POLD3: variants seen among roughly 807,000 people sequenced by gnomAD.
POLD3 encodes the protein DNA polymerase delta 3, accessory subunit, also known as DNA polymerase delta subunit 3.
Under a neutral mutation model 58.2 loss-of-function variants are expected in POLD3, and 19 were observed. The ratio of observed to expected loss-of-function variants is 0.33; its 90% CI spans 0.23 to 0.48. POLD3 has a LOEUF of 0.48. POLD3 is among the 20% of genes least tolerant of loss of function. The pLI, the probability that POLD3 is intolerant of heterozygous loss-of-function variation, is 0.99. For synonymous variants in POLD3, 172 were observed against 193.5 expected (o/e 0.89, Z 0.92); for missense variants, 504 against 545.5 (o/e 0.92, Z 0.76).
chr11:74,592,817 GGGGACCA>G (rs2031081540), intron 1 of POLD3, 99 bp downstream of exon 1: 2 of 1,552,620 alleles, frequency 1.3e-6, no homozygotes, highest in Admixed American at 3.9e-5. Context: ...GTGGCTTCGT[GGGGACCA>G]GGGGAGACAG....
At chr11:74,618,954 A>T in intron 6 of POLD3, 150 bp downstream of exon 6, 1 of 657,684 alleles carries the variant, frequency 1.5e-6, no homozygotes, top group East Asian at 2.9e-5. Flanking sequence ...TTAATACTTG[A>T]TATTGTTATC....
At chr11:74,620,226 C>G in intron 7 of POLD3, 137 bp downstream of exon 7, 1 of 677,066 alleles carries the variant, frequency 1.5e-6, no homozygotes, top group Non-Finnish European at 2.7e-6. Flanking sequence ...TTCCAGTGTA[C>G]TGCCCAATAT....
In POLD3 at chr11:74,604,843, A is replaced by G. The variant is rs780232629; in HGVS notation, c.219+49A>G. ...GAGCTTAAATGTGTTTGTGTTATGA[A>G]GAGTGTTATAACATAGTTCAGGGGA... On this transcript the variant is annotated intron_variant, in intron 3 of 11. Transcript: ENST00000263681. The G allele has an allele frequency of 9.0e-6, 9 of 1,003,134 alleles. No individual in the cohort carries two copies. In the South Asian group the frequency reaches 1.0e-4, roughly 11 times the overall value. 62.1% of individuals were successfully genotyped at this position (1,003,134 alleles called of 1,614,324 possible).
chr11:74,617,514 G>T (rs2032115583), intron 5 of POLD3, among the ~76,000 whole-genome samples: 1 of 152,042 alleles, frequency 6.6e-6, no homozygotes, highest in African/African-American at 2.4e-5. Context: ...CAATTCTCTT[G>T]CCTCAGCCTC....
intron 3 of POLD3, among the ~76,000 whole-genome samples, chr11:74,607,340 G>A (rs2031722713): frequency 6.7e-6 from 1 of 150,372 alleles, no homozygotes. Context: ...TCAGCTCACT[G>A]CAAGCTCTGC....
intron 9 of POLD3, among the ~76,000 whole-genome samples, chr11:74,633,396 T>A (rs1253478680): frequency 6.6e-6 from 1 of 152,214 alleles, no homozygotes; most frequent in African/African-American, 2.4e-5. Flanking sequence ...CATTTTATAC[T>A]TAAAGTGTGT....
chr11:74,613,048 A>AT, intron 5 of POLD3, 38 bp downstream of exon 5: 1 of 1,583,276 alleles, frequency 6.3e-7, no homozygotes, highest in South Asian at 1.2e-5. Context: ...TTCTTTACGA[A>AT]TTGATTTTGT....
intron 4 of POLD3, among the ~76,000 whole-genome samples, chr11:74,654,727 A>G (rs1412764864): frequency 6.6e-6 from 1 of 152,210 alleles, no homozygotes; most frequent in East Asian, 1.9e-4. Flanking sequence ...ACAAATCACG[A>G]AAACCTGCAG....
At chr11:74,635,575 G>C (rs2032724952) in intron 10 of POLD3, among the ~76,000 whole-genome samples, 1 of 152,182 alleles carries the variant, frequency 6.6e-6, no homozygotes, top group Admixed American at 6.5e-5. Context: ...AGCTACTTGG[G>C]AGGCTGAGGT....
Position 74,640,595 on chromosome 11 carries a change from C to T in POLD3, c.1230C>T (p.Cys410=). 1.9e-6 allele frequency: 3 copies of T among 1,597,874 alleles called. No homozygotes were observed. The highest frequency in any genetic ancestry group is 2.6e-6 in the Non-Finnish European group (3 of 1,173,276). The change falls in exon 12 of 12, where the codon TGC becomes TGT. Residue 410 remains cysteine (C), a synonymous_variant. Transcript: ENST00000263681. The part of the protein sequence containing the change: ...VTEKVYESES[C]TDSEEELNMK... The stretch of plus-strand genomic sequence containing the variant: ...AAAAAGTCTACGAGAGTGAATCCTG[C>T]ACAGATAGTGAAGAGGAGCTTAACA...
Position 74,641,333 on chromosome 11 carries a change from C to T in POLD3, c.*567C>T. 1.0e-6 allele frequency: 1 copy of T among 985,450 alleles called. No homozygotes were observed. Among genetic ancestry groups the T allele is most frequent in the Non-Finnish European group, 1.2e-6 (1 of 829,972 alleles). 61.0% of individuals were successfully genotyped at this position (985,450 alleles called of 1,614,324 possible). A position where few individuals can be genotyped will look rare whatever the true frequency, so the allele number is the denominator to read the frequency against. ...AAAATCTCCCTGTAATCCTCTTCCT[C>T]CATTATGCAGTACACGGACACCTGG... On this transcript the variant is annotated 3_prime_UTR_variant, in exon 12 of 12. Coordinates refer to ENST00000263681, the MANE Select transcript of POLD3 (RefSeq NM_006591.3).
chr11:74,657,545 A>G (rs1384109830), intron 4 of POLD3, among the ~76,000 whole-genome samples: 8 of 152,098 alleles, frequency 5.3e-5, no homozygotes, highest in Admixed American at 1.3e-4. Flanking sequence ...AAAACTAATA[A>G]CTACACTTTT....
At chr11:74,660,381 A>T (rs2033190674) in intron 4 of POLD3, among the ~76,000 whole-genome samples, 3 of 152,194 alleles carry the variant, frequency 2.0e-5, no homozygotes, top group Non-Finnish European at 1.5e-5. Flanking sequence ...CCGTTTGAAT[A>T]AACTTTCTAC....
chr11:74,596,814 C>T (rs1038904974), intron 2 of POLD3, among the ~76,000 whole-genome samples: 15 of 152,170 alleles, frequency 9.9e-5, no homozygotes, highest in African/African-American at 2.4e-4. Context: ...TTTCCACTTC[C>T]GTGAGATCAC....
chr11:74,640,585 G>T lies in POLD3; in HGVS notation c.1220G>T (p.Ser407Ile). ...CCAGTGACTGAAAAAGTCTACGAGA[G>T]TGAATCCTGCACAGATAGTGAAGAG... ...GCIVTEKVYE[S>I]ESCTDSEEEL... Residue 407 changes from serine to isoleucine, a missense_variant, in exon 12 of 12, where the codon AGT becomes ATT. Physicochemically the swap from Ser to Ile is moderately radical, Grantham distance 142. Coordinates refer to ENST00000263681, the MANE Select transcript of POLD3 (RefSeq NM_006591.3). 1.3e-6 allele frequency: 2 copies of T among 1,564,938 alleles called. No individual in the cohort carries two copies. The highest frequency in any genetic ancestry group is 1.4e-5 in the African/African-American group (1 of 72,580).
intron 10 of POLD3, among the ~76,000 whole-genome samples, chr11:74,635,458 G>T (rs867500670): frequency 1.1e-4 from 16 of 152,202 alleles, no homozygotes; most frequent in African/African-American, 3.6e-4. Context: ...GGAAGGCTGA[G>T]GTGGGCAGAA....
intron 4 of POLD3, among the ~76,000 whole-genome samples, chr11:74,648,782 G>A (rs1272790337): frequency 2.0e-5 from 3 of 152,284 alleles, no homozygotes; most frequent in Admixed American, 1.3e-4. Context: ...TGTCAGATTC[G>A]TACATTAGAA....
rs762358792 is a variant in POLD3, at chr11:74,629,332, T to C, written c.1006+9T>C. On this transcript the variant is annotated intron_variant, in intron 9 of 11. Transcript: ENST00000263681. ...TAGCAGTGAAGATGAAGGTGGGCAT[T>C]ACCATTCATTTTGGGTTAGGGGGAT... is the stretch of plus-strand genomic sequence containing the variant. The C allele has an allele frequency of 3.1e-5, 47 of 1,516,812 alleles. No individual in the cohort carries two copies. Among genetic ancestry groups the C allele is most frequent in the Non-Finnish European group, 4.1e-5 (45 of 1,099,446 alleles). 94.0% of individuals were successfully genotyped at this position (1,516,812 alleles called of 1,614,324 possible).
intron 4 of POLD3, among the ~76,000 whole-genome samples, chr11:74,667,871 C>T (rs1221278796): frequency 6.6e-6 from 1 of 152,104 alleles, no homozygotes; most frequent in African/African-American, 2.4e-5. Flanking sequence ...AACTCAATAG[C>T]GAAAGGACAA....
Sources: gnomAD v4.1 joint callset for allele counts (sites outside exome capture counted in the v4.1 genomes callset) on GRCh38, gnomAD v4.1.1 for gene constraint, MANE v1.5 for transcripts, NCBI Gene and HGNC (gene_info 2026-07-23, HGNC 2026-07-21) for gene names.